Variants in GCNT1 observed in about 807,000 individuals in gnomAD.
GCNT1 encodes beta-1,3-galactosyl-O-glycosyl-glycoprotein beta-1,6-N-acetylglucosaminyltransferase.
Under a neutral mutation model 26.2 loss-of-function variants are expected in GCNT1, and 16 were observed. The ratio of observed to expected loss-of-function variants is 0.61; its 90% CI spans 0.41 to 0.93. The LOEUF (loss-of-function observed/expected upper bound fraction) is 0.93, where lower values mean the gene tolerates loss of function less well. Among genes scored for constraint, GCNT1 ranks in the 40% least tolerant of loss-of-function variants. The pLI is 0.00. For synonymous variants in GCNT1, 183 were observed against 190.8 expected (o/e 0.96, Z 0.34); for missense variants, 477 against 526.7 (o/e 0.91, Z 0.92).
chr9:76,434,287 T>C (rs1823377059), intron 1 of GCNT1, among the ~76,000 whole-genome samples: 1 of 152,122 alleles, frequency 6.6e-6, no homozygotes, highest in East Asian at 1.9e-4. Context: ...CCAGGATAAA[T>C]AGGCTAGAGA....
chr9:76,488,786 A>T (rs785919), intron 2 of GCNT1, among the ~76,000 whole-genome samples: 8,467 of 152,194 alleles, frequency 0.056, 289 homozygotes, highest in Middle Eastern at 0.11. Flanking sequence ...GCCCAGCCTA[A>T]GCCAGCGCAC....
At chr9:76,461,725 A>C (rs769046096) in intron 2 of GCNT1, among the ~76,000 whole-genome samples, 2 of 151,554 alleles carry the variant, frequency 1.3e-5, no homozygotes, top group Non-Finnish European at 2.9e-5. Context: ...CCATCTCTAC[A>C]AAAATATTCA....
At chr9:76,488,527 C>T (rs1185138720) in intron 2 of GCNT1, among the ~76,000 whole-genome samples, 1 of 152,152 alleles carries the variant, frequency 6.6e-6, no homozygotes, top group African/African-American at 2.4e-5. Context: ...CTCTGTTGCT[C>T]AGGGTGGAGT....
intron 2 of GCNT1, among the ~76,000 whole-genome samples, chr9:76,473,459 G>C: frequency 6.6e-6 from 1 of 152,128 alleles, no homozygotes; most frequent in East Asian, 1.9e-4. Flanking sequence ...TTAGACATGA[G>C]CTCAGATTTG....
chr9:76,396,146 G>C, the GCNT1 span, among the ~76,000 whole-genome samples: 1 of 152,264 alleles, frequency 6.6e-6, no homozygotes. Context: ...GTTGCAAGAA[G>C]GTATGAGAAT....
intron 2 of GCNT1, among the ~76,000 whole-genome samples, chr9:76,500,379 G>A (rs1825031942): frequency 6.6e-6 from 1 of 152,122 alleles, no homozygotes; most frequent in African/African-American, 2.4e-5. Context: ...GTAAGGGGCA[G>A]GAATTACTTA....
chr9:76,450,578 A>T (rs1408532934), intron 1 of GCNT1, among the ~76,000 whole-genome samples: 1 of 152,200 alleles, frequency 6.6e-6, no homozygotes, highest in Non-Finnish European at 1.5e-5. Context: ...TATGTTTATC[A>T]ATCTTTTTCA....
chr9:76,408,145 A>G, the GCNT1 span, among the ~76,000 whole-genome samples: 1 of 152,208 alleles, frequency 6.6e-6, no homozygotes, highest in Non-Finnish European at 1.5e-5. Context: ...TTACTGCATT[A>G]GTTAGGACTT....
chr9:76,504,220 T>C lies in GCNT1; in HGVS notation c.*552T>C, dbSNP rs1825173729. The C allele has an allele frequency of 5.9e-6, 1 of 169,058 alleles. No individual in the cohort carries two copies. Among genetic ancestry groups the C allele is most frequent in the Admixed American group, 6.4e-5 (1 of 15,520 alleles). The allele number at this position is 169,058 out of a possible 1,614,324, so 10.5% of individuals were successfully genotyped here. A position where few individuals can be genotyped will look rare whatever the true frequency, so the allele number is the denominator to read the frequency against. On this transcript the variant is annotated 3_prime_UTR_variant, in exon 4 of 4. Transcript: ENST00000376730. ...CTGTACTGTGTAGTGTGTCTCCGTA[T>C]GTCATCTCAGGGAGCTTAAAATGGG...
At chr9:76,449,840 A>G (rs1357312669) in intron 1 of GCNT1, among the ~76,000 whole-genome samples, 1 of 152,094 alleles carries the variant, frequency 6.6e-6, no homozygotes, top group East Asian at 1.9e-4. Context: ...CTGGAGTGCA[A>G]TGGTGTGATC....
intron 1 of GCNT1, among the ~76,000 whole-genome samples, chr9:76,425,137 TAAAAAAAAAAAAAA>T (rs1194003045): frequency 2.7e-5 from 2 of 73,034 alleles, no homozygotes; most frequent in African/African-American, 1.1e-4. Context: ...AAACTCCGTC[TAAAAAAAAAAAAAA>T]AAAAAAAAAG....
At chr9:76,480,289 G>A (rs1587440583) in intron 2 of GCNT1, among the ~76,000 whole-genome samples, 1 of 152,084 alleles carries the variant, frequency 6.6e-6, no homozygotes, top group East Asian at 1.9e-4. Flanking sequence ...CAGGTAGTGT[G>A]ATGCCTCCAG....
chr9:76,413,353 G>T, the GCNT1 span, among the ~76,000 whole-genome samples: 1 of 152,156 alleles, frequency 6.6e-6, no homozygotes, highest in South Asian at 2.1e-4. Flanking sequence ...TGTTTGTCAG[G>T]CTAAAGAAGT....
chr9:76,450,455 T>C (rs1431040723), intron 1 of GCNT1, among the ~76,000 whole-genome samples: 1 of 152,244 alleles, frequency 6.6e-6, no homozygotes, highest in Non-Finnish European at 1.5e-5. Context: ...AATTCCTAGA[T>C]GAATAGTTGT....
At chr9:76,455,574 C>T (rs1314602486), upstream of GCNT1, among the ~76,000 whole-genome samples, 1 of 151,726 alleles carries the variant, frequency 6.6e-6, no homozygotes, top group African/African-American at 2.4e-5. Flanking sequence ...GCAACACCAT[C>T]CCCTTACTTT....
rs1271429020 is a variant in GCNT1, at chr9:76,506,144, C to T, written c.*2476C>T. On this transcript the variant is annotated 3_prime_UTR_variant, in exon 4 of 4. Transcript: ENST00000376730. ...TTGAAAAGGAAACCTATGATACATG[C>T]AGGAGAAGCAAAACCCAAGTGATTG... 6.0e-6 allele frequency: 1 copy of T among 166,924 alleles called. No homozygotes were observed. The highest frequency in any genetic ancestry group is 1.5e-5 in the Non-Finnish European group (1 of 68,112). 10.3% of individuals were successfully genotyped at this position (166,924 alleles called of 1,614,324 possible). A position where few individuals can be genotyped will look rare whatever the true frequency, so the allele number is the denominator to read the frequency against.
intron 1 of GCNT1, among the ~76,000 whole-genome samples, chr9:76,427,136 G>A (rs1823268083): frequency 6.6e-6 from 1 of 151,348 alleles, no homozygotes; most frequent in Non-Finnish European, 1.5e-5. Flanking sequence ...AGGACACAGG[G>A]AGCAGACAGC....
chr9:76,407,019 C>T, the GCNT1 span, among the ~76,000 whole-genome samples: 1 of 152,190 alleles, frequency 6.6e-6, no homozygotes, highest in Non-Finnish European at 1.5e-5. Flanking sequence ...TCAGCCTGGG[C>T]AGCAGAGAAA....
chr9:76,443,693 A>C (rs1032538673), intron 1 of GCNT1, among the ~76,000 whole-genome samples: 10 of 151,780 alleles, frequency 6.6e-5, no homozygotes, highest in Non-Finnish European at 1.5e-4. Context: ...ATTTTGGGGG[A>C]TTTGTTCCCA....
Sources: allele counts gnomAD v4.1 joint callset (sites outside exome capture counted in the v4.1 genomes callset), GRCh38; gene constraint gnomAD v4.1.1; transcripts MANE v1.5; gene names NCBI Gene and HGNC (gene_info 2026-07-23, HGNC 2026-07-21).